The following UNC13C variants were observed in gnomAD, a reference collection of about 807,000 sequenced individuals.
UNC13C encodes unc-13 homolog C, also known as protein unc-13 homolog C.
A neutral mutation model predicts 245.4 loss-of-function variants in UNC13C; 174 were observed. The observed-to-expected ratio is 0.71, with a 90% CI of 0.63 to 0.80. The LOEUF (loss-of-function observed/expected upper bound fraction) is 0.80. UNC13C is among the 30% of genes least tolerant of loss of function. The pLI, the probability that UNC13C is intolerant of heterozygous loss-of-function variation, is 0.00. For missense variants in UNC13C, 2,829 were observed against 2,602.9 expected (o/e 1.09, Z -1.89); for synonymous variants, 992 against 895.1 (o/e 1.11, Z -1.93).
chr15:54,469,755 T>C (rs2141040514), intron 19 of UNC13C, among the ~76,000 whole-genome samples: 1 of 151,628 alleles, frequency 6.6e-6, no homozygotes, highest in Non-Finnish European at 1.5e-5. Context: ...GAATCCATGA[T>C]ATAAAACCAA....
Position 54,500,145 on chromosome 15 carries a change from T to C in UNC13C, c.5127T>C (p.His1709=), listed in dbSNP as rs1240442521. The C allele has an allele frequency of 1.2e-6, 2 of 1,611,450 alleles. No individual in the cohort carries two copies. Among genetic ancestry groups the C allele is most frequent in the East Asian group, 2.2e-5 (1 of 44,792 alleles). The change falls in exon 21 of 33, where the codon CAT becomes CAC. Residue 1709 remains histidine, a synonymous_variant. Transcript: ENST00000260323. ...ENEDVSMEFL[H]GALGRDKKDG... is the part of the protein sequence containing the mutation. ...AAGATGTGTCAATGGAATTCCTTCA[T>C]GGAGCACTGGGAAGAGACAAAAAAG...
chr15:54,525,780 CT>C, intron 25 of UNC13C, 143 bp downstream of exon 25: 1 of 696,352 alleles, frequency 1.4e-6, no homozygotes, highest in Non-Finnish European at 2.4e-6. Flanking sequence ...TCTGAAACAT[CT>C]GTTATGACCC....
the UNC13C span, among the ~76,000 whole-genome samples, chr15:53,840,103 T>C: frequency 6.6e-6 from 1 of 152,128 alleles, no homozygotes; most frequent in Non-Finnish European, 1.5e-5. Context: ...CAGTTAGGTG[T>C]CTCTGCTAAG....
intron 19 of UNC13C, among the ~76,000 whole-genome samples, chr15:54,469,183 T>A (rs112553142): frequency 3.3e-5 from 5 of 151,524 alleles, no homozygotes; most frequent in African/African-American, 9.7e-5. Flanking sequence ...TTATTTTTTA[T>A]GTTATTGTAA....
At chr15:53,970,975 A>C in the UNC13C span, among the ~76,000 whole-genome samples, 1 of 152,156 alleles carries the variant, frequency 6.6e-6, no homozygotes, top group East Asian at 1.9e-4. Flanking sequence ...ATTTCCACCA[A>C]CAGTGAACAC....
chr15:53,895,361 A>T, the UNC13C span, among the ~76,000 whole-genome samples: 1 of 151,118 alleles, frequency 6.6e-6, no homozygotes, highest in Admixed American at 6.6e-5. Context: ...AAAAAAAAAA[A>T]AAAAAAAAAG....
intron 19 of UNC13C, among the ~76,000 whole-genome samples, chr15:54,493,579 C>A (rs1028507798): frequency 6.6e-6 from 1 of 152,040 alleles, no homozygotes; most frequent in Admixed American, 6.6e-5. Flanking sequence ...CAACCTAATT[C>A]TTCAAATAGT....
At chr15:53,852,784 A>G in the UNC13C span, among the ~76,000 whole-genome samples, 1 of 152,032 alleles carries the variant, frequency 6.6e-6, no homozygotes, top group Non-Finnish European at 1.5e-5. Flanking sequence ...TCTATTTTTT[A>G]GTTTTCTAAT....
intron 19 of UNC13C, among the ~76,000 whole-genome samples, chr15:54,425,972 T>C (rs540935070): frequency 1.3e-5 from 2 of 151,744 alleles, no homozygotes; most frequent in East Asian, 3.9e-4. Flanking sequence ...TTCATGGCTG[T>C]GGCCATCTTC....
At chr15:54,320,215 TG>T (rs2038113833) in intron 13 of UNC13C, among the ~76,000 whole-genome samples, 1 of 151,990 alleles carries the variant, frequency 6.6e-6, no homozygotes, top group Non-Finnish European at 1.5e-5. Context: ...AACAACATTT[TG>T]GTGAAAATAT....
the UNC13C span, among the ~76,000 whole-genome samples, chr15:53,952,661 G>A: frequency 2.0e-5 from 3 of 152,256 alleles, no homozygotes; most frequent in East Asian, 1.9e-4. Context: ...ATAAAAACTC[G>A]CCAGATGATT....
At chr15:54,320,472 G>T (rs1321843519) in intron 13 of UNC13C, among the ~76,000 whole-genome samples, 1 of 151,846 alleles carries the variant, frequency 6.6e-6, no homozygotes, top group Non-Finnish European at 1.5e-5. Context: ...AAAAATATCT[G>T]CATTAAAAAC....
At chr15:54,239,593 G>A (rs979327188) in intron 7 of UNC13C, among the ~76,000 whole-genome samples, 1 of 151,848 alleles carries the variant, frequency 6.6e-6, no homozygotes, top group African/African-American at 2.4e-5. Context: ...TGAGGCTAAA[G>A]GCATATGCCA....
intron 2 of UNC13C, among the ~76,000 whole-genome samples, chr15:54,017,915 C>T (rs1334759959): frequency 6.6e-6 from 1 of 152,176 alleles, no homozygotes; most frequent in Non-Finnish European, 1.5e-5. Context: ...TGTGAGCCAA[C>T]TTTGAATGGA....
At chr15:54,090,783 C>T (rs925627757) in intron 2 of UNC13C, among the ~76,000 whole-genome samples, 5 of 152,174 alleles carry the variant, frequency 3.3e-5, no homozygotes, top group Admixed American at 6.5e-5. Flanking sequence ...AAAGCTCCCA[C>T]GCCCCCATTG....
At chr15:54,157,995 T>A (rs551602135) in intron 4 of UNC13C, among the ~76,000 whole-genome samples, 1 of 152,328 alleles carries the variant, frequency 6.6e-6, no homozygotes, top group Non-Finnish European at 1.5e-5. Context: ...AATTGCCTAC[T>A]CCAGCCCTCT....
At chr15:54,135,739 C>A (rs1479720035) in intron 2 of UNC13C, among the ~76,000 whole-genome samples, 1 of 152,070 alleles carries the variant, frequency 6.6e-6, no homozygotes, top group Non-Finnish European at 1.5e-5. Context: ...CAAATCATGC[C>A]CCAGCTTCGT....
chr15:54,239,784 C>T (rs1379234973), intron 7 of UNC13C, among the ~76,000 whole-genome samples: 1 of 152,132 alleles, frequency 6.6e-6, no homozygotes, highest in African/African-American at 2.4e-5. Context: ...ATTTATGATG[C>T]CATGTAATAT....
chr15:53,925,287 T>C, the UNC13C span, among the ~76,000 whole-genome samples: 1 of 152,220 alleles, frequency 6.6e-6, no homozygotes, highest in African/African-American at 2.4e-5. Context: ...TATACATCTT[T>C]TCTTGTTATA....
Sources: allele counts gnomAD v4.1 joint callset (sites outside exome capture counted in the v4.1 genomes callset), GRCh38; gene constraint gnomAD v4.1.1; transcripts MANE v1.5; gene names NCBI Gene and HGNC (gene_info 2026-07-23, HGNC 2026-07-21).